The following REC114 variants were observed in gnomAD, a reference collection of about 807,000 sequenced individuals.
The protein encoded by REC114 is REC114 meiotic recombination protein, also known as meiotic recombination protein REC114.
A neutral mutation model predicts 31.3 loss-of-function variants in REC114; 27 were observed. The ratio of observed to expected loss-of-function variants is 0.86; its 90% CI spans 0.64 to 1.19. REC114 has a LOEUF of 1.19. REC114 is among the 50% of genes most tolerant of loss of function. The probability of loss-of-function intolerance (pLI) is 0.00; values close to 1 mark genes in which losing one functional copy is unlikely to be tolerated. For missense variants in REC114, 344 were observed against 326.9 expected, an observed-to-expected ratio of 1.05 and a Z score of -0.40; for synonymous variants, 134 against 127.7, an observed-to-expected ratio of 1.05 and a Z score of -0.33.
intron 1 of REC114, among the ~76,000 whole-genome samples, chr15:73,461,104 T>C (rs1301735747): frequency 2.0e-5 from 3 of 152,054 alleles, no homozygotes; most frequent in Non-Finnish European, 2.9e-5. Context: ...TATGATTACT[T>C]TTTTGGTGGT....
chr15:73,520,770 T>C (rs1893926723), intron 2 of REC114, among the ~76,000 whole-genome samples: 1 of 152,242 alleles, frequency 6.6e-6, no homozygotes, highest in Non-Finnish European at 1.5e-5. Flanking sequence ...TAACTATCTT[T>C]TAAAAGAGTA....
chr15:73,537,000 A>G (rs1017973117), intron 2 of REC114, among the ~76,000 whole-genome samples: 1 of 152,224 alleles, frequency 6.6e-6, no homozygotes, highest in Non-Finnish European at 1.5e-5. Flanking sequence ...TACCCAATAG[A>G]TAGTCTTTTA....
In REC114 at chr15:73,443,267, C is replaced by T. The variant is rs769268662; in HGVS notation, c.82C>T (p.Arg28Cys). Residue 28 changes from arginine to cysteine, a missense_variant, in exon 1 of 6, where the codon CGC becomes TGC. Coordinates refer to ENST00000331090, the MANE Select transcript of REC114 (RefSeq NM_001042367.2). ...AGAGTGGCCTCTGCAGCGGTACGCC[C>T]GCTGCATACCCTCAAACACCAGAGA... is the stretch of plus-strand genomic sequence containing the variant. Reference protein sequence around the residue: ...AAEWPLQRYARCIPSNTRDPP... With the variant: ...AAEWPLQRYACCIPSNTRDPP... 32 of 1,576,402 alleles carry T rather than the reference C, an allele frequency of 2.0e-5. No homozygotes were observed. The highest frequency in any genetic ancestry group is 2.3e-5 in the East Asian group (1 of 42,596).
At chr15:73,449,133 G>A (rs1460922726) in intron 1 of REC114, among the ~76,000 whole-genome samples, 1 of 152,068 alleles carries the variant, frequency 6.6e-6, no homozygotes, top group Non-Finnish European at 1.5e-5. Flanking sequence ...AACAAAACTG[G>A]ATGGACAATG....
chr15:73,504,442 A>C (rs903514780), intron 2 of REC114, among the ~76,000 whole-genome samples: 1 of 152,128 alleles, frequency 6.6e-6, no homozygotes, highest in African/African-American at 2.4e-5. Flanking sequence ...TTTGGAATGC[A>C]ACCTACAGTT....
chr15:73,458,216 C>T (rs1165132979), intron 1 of REC114, among the ~76,000 whole-genome samples: 1 of 152,088 alleles, frequency 6.6e-6, no homozygotes. Context: ...TTTCATAAAC[C>T]TTTTTCCATT....
At chr15:73,557,738 A>G (rs906173782) in intron 5 of REC114, among the ~76,000 whole-genome samples, 2 of 152,236 alleles carry the variant, frequency 1.3e-5, no homozygotes, top group Admixed American at 1.3e-4. Flanking sequence ...ACCTTTGCCC[A>G]GTTTATTTAC....
intron 2 of REC114, among the ~76,000 whole-genome samples, chr15:73,486,111 T>A (rs1893361091): frequency 6.6e-6 from 1 of 152,188 alleles, no homozygotes; most frequent in African/African-American, 2.4e-5. Context: ...TTTTCCTTTT[T>A]TTTTGGAAAT....
intron 2 of REC114, among the ~76,000 whole-genome samples, chr15:73,485,396 G>A (rs1893351582): frequency 6.6e-6 from 1 of 152,098 alleles, no homozygotes; most frequent in Non-Finnish European, 1.5e-5. Context: ...GTTTAAATCA[G>A]AACCTGTCTA....
At chr15:73,559,688 T>C (rs1894546272) in intron 5 of REC114, 64 bp from the exon 6 acceptor site, 1 of 1,416,070 alleles carries the variant, frequency 7.1e-7, no homozygotes. Flanking sequence ...TATTTGCCTG[T>C]GTTCTATTAG....
At chr15:73,523,521 C>G (rs1374612751) in intron 2 of REC114, among the ~76,000 whole-genome samples, 1 of 152,198 alleles carries the variant, frequency 6.6e-6, no homozygotes, top group Non-Finnish European at 1.5e-5. Flanking sequence ...TCAGTTTTGT[C>G]TGCCTATGAA....
chr15:73,554,993 T>C (rs1202027017), intron 4 of REC114, among the ~76,000 whole-genome samples: 5 of 152,224 alleles, frequency 3.3e-5, no homozygotes, highest in South Asian at 2.1e-4. Context: ...CTAAGGACTA[T>C]TGATTATAGA....
chr15:73,547,172 A>G (rs1275007345), intron 3 of REC114, among the ~76,000 whole-genome samples: 1 of 152,218 alleles, frequency 6.6e-6, no homozygotes, highest in East Asian at 1.9e-4. Flanking sequence ...AGTAACCAGA[A>G]TGTATAAGGA....
In REC114 at chr15:73,556,319, A is replaced by AC; in HGVS notation, c.565dup (p.Gln189ProfsTer37). 1 of 1,613,706 alleles carries AC rather than the reference A, an allele frequency of 6.2e-7. No homozygotes were observed. The highest frequency in any genetic ancestry group is 8.5e-7 in the Non-Finnish European group (1 of 1,179,730). On this transcript the variant is annotated frameshift_variant, in exon 5 of 6. Transcript: ENST00000331090. LOFTEE classifies it high-confidence loss of function. Reference sequence around the variant, plus strand: ...TATTCCAGTCCCACCAGCACTCAGAACAACAGCAAGTGTGTGTAACAGCGG... The same window carrying AC: ...TATTCCAGTCCCACCAGCACTCAGAACCAACAGCAAGTGTGTGTAACAGCGG...
At chr15:73,505,366 TCCA>T (rs1893661774) in intron 2 of REC114, among the ~76,000 whole-genome samples, 1 of 152,158 alleles carries the variant, frequency 6.6e-6, no homozygotes, top group Non-Finnish European at 1.5e-5. Context: ...ATTTGCTAAA[TCCA>T]CCAAGATTCT....
chr15:73,512,007 TTC>T (rs1372269915), intron 2 of REC114, among the ~76,000 whole-genome samples: 2 of 115,806 alleles, frequency 1.7e-5, no homozygotes, highest in Non-Finnish European at 3.4e-5. Context: ...CTTGTTGACT[TTC>T]TGTCTCATTG....
At chr15:73,521,191 C>G (rs1893931440) in intron 2 of REC114, among the ~76,000 whole-genome samples, 1 of 152,030 alleles carries the variant, frequency 6.6e-6, no homozygotes, top group Non-Finnish European at 1.5e-5. Flanking sequence ...TTCAACACAC[C>G]CCTCTCAATA....
chr15:73,469,809 C>G (rs928363744), intron 1 of REC114, among the ~76,000 whole-genome samples: 1 of 151,678 alleles, frequency 6.6e-6, no homozygotes, highest in Non-Finnish European at 1.5e-5. Flanking sequence ...CTCAGCCTCC[C>G]GAGTAGCTGG....
intron 2 of REC114, among the ~76,000 whole-genome samples, chr15:73,508,117 C>T (rs1243462369): frequency 6.6e-6 from 1 of 152,140 alleles, no homozygotes; most frequent in Non-Finnish European, 1.5e-5. Context: ...AAACTACAAG[C>T]TCTCTGAGGT....
Sources: allele counts gnomAD v4.1 joint callset (sites outside exome capture counted in the v4.1 genomes callset), GRCh38; gene constraint gnomAD v4.1.1; transcripts MANE v1.5; gene names NCBI Gene and HGNC (gene_info 2026-07-23, HGNC 2026-07-21).